AFG1L: variants seen among roughly 807,000 people sequenced by gnomAD.
AFG1L encodes the protein AFG1 like ATPase.
Under a neutral mutation model 62.2 loss-of-function variants are expected in AFG1L, and 53 were observed. That is an observed-to-expected ratio of 0.85 (90% CI 0.68 to 1.07). AFG1L has a LOEUF of 1.07. Among genes scored for constraint, AFG1L ranks in the 50% least tolerant of loss-of-function variants. The pLI is 0.00. For missense variants in AFG1L, 555 were observed against 590.5 expected (o/e 0.94, Z 0.62); for synonymous variants, 228 against 210.3 (o/e 1.08, Z -0.73).
intron 7 of AFG1L, among the ~76,000 whole-genome samples, chr6:108,424,459 A>G (rs529732824): frequency 7.2e-5 from 11 of 152,102 alleles, no homozygotes; most frequent in Non-Finnish European, 1.2e-4. Context: ...GAAGAAAGCA[A>G]TAGTTAGATT....
At chr6:108,401,394 G>T (rs1781607075) in intron 6 of AFG1L, among the ~76,000 whole-genome samples, 1 of 151,184 alleles carries the variant, frequency 6.6e-6, no homozygotes, top group Non-Finnish European at 1.5e-5. Flanking sequence ...CACCCGCCTC[G>T]GCCTCCCAAA....
chr6:108,388,774 G>T (rs901731245), intron 6 of AFG1L, among the ~76,000 whole-genome samples: 2 of 151,626 alleles, frequency 1.3e-5, no homozygotes, highest in Non-Finnish European at 1.5e-5. Flanking sequence ...TTTTACATTT[G>T]CTGAGGAGAG....
chr6:108,298,281 T>G, intron 1 of AFG1L, among the ~76,000 whole-genome samples: 1 of 149,608 alleles, frequency 6.7e-6, no homozygotes, highest in Non-Finnish European at 1.5e-5. Flanking sequence ...TTTTTTTTTT[T>G]TTGAGACAGA....
chr6:108,312,392 T>A (rs1272075854), intron 1 of AFG1L, among the ~76,000 whole-genome samples: 5 of 151,472 alleles, frequency 3.3e-5, no homozygotes, highest in African/African-American at 1.2e-4. Flanking sequence ...GTAAAAAAAA[T>A]AAAAAATTAC....
Position 108,310,597 on chromosome 6 carries a change from CAG to C in AFG1L, c.140-13225_140-13224del, listed in dbSNP as rs1346855950. ...CTTCTTTTTTTTTTTTTTTTTGAGA[CAG>C]AGTCTTGCTCTGTCACCTAGGCTGG... On this transcript the variant is annotated intron_variant, in intron 1 of 12. Transcript: ENST00000368977. 2.7e-3 allele frequency among the ~76,000 whole-genome samples: 348 copies of C among 130,508 alleles called. 2 individuals are homozygous for C. In the South Asian group the frequency reaches 0.028, roughly 10 times the overall value. The allele number at this position is 130,508 out of a possible 152,430, so 85.6% of individuals were successfully genotyped here.
intron 6 of AFG1L, among the ~76,000 whole-genome samples, chr6:108,374,773 T>C (rs923079188): frequency 5.3e-5 from 8 of 152,176 alleles, no homozygotes; most frequent in Non-Finnish European, 8.8e-5. Flanking sequence ...GTGATGCCTT[T>C]GGCTTTGTTC....
At chr6:108,449,127 G>A (rs936532979) in intron 8 of AFG1L, among the ~76,000 whole-genome samples, 2 of 149,854 alleles carry the variant, frequency 1.3e-5, no homozygotes, top group Non-Finnish European at 3.0e-5. Context: ...CAGCCTGGGC[G>A]ACAGAGCAAG....
intron 6 of AFG1L, among the ~76,000 whole-genome samples, chr6:108,400,599 ATATT>A (rs1470929292): frequency 7.4e-6 from 1 of 135,058 alleles, no homozygotes; most frequent in Admixed American, 8.4e-5. Flanking sequence ...TATAATTTAT[ATATT>A]TATATATAAT....
intron 10 of AFG1L, among the ~76,000 whole-genome samples, chr6:108,499,313 C>A (rs1273718354): frequency 6.6e-6 from 1 of 151,920 alleles, no homozygotes; most frequent in Non-Finnish European, 1.5e-5. Flanking sequence ...AAGCAATCCA[C>A]CAACCTCAGC....
chr6:108,365,983 A>G (rs574721350), intron 5 of AFG1L, among the ~76,000 whole-genome samples: 6 of 152,302 alleles, frequency 3.9e-5, no homozygotes, highest in Non-Finnish European at 7.4e-5. Flanking sequence ...CTGTAGTTCT[A>G]TAAAAGAAGT....
At chr6:108,501,958 T>C (rs1774222146) in intron 10 of AFG1L, among the ~76,000 whole-genome samples, 1 of 152,234 alleles carries the variant, frequency 6.6e-6, no homozygotes, top group South Asian at 2.1e-4. Context: ...TACTAAAAAA[T>C]GCTAACAACT....
chr6:108,371,046 T>C (rs1779980491), intron 6 of AFG1L, among the ~76,000 whole-genome samples: 1 of 152,176 alleles, frequency 6.6e-6, no homozygotes, highest in African/African-American at 2.4e-5. Context: ...ACTGCTTTCC[T>C]GCACTTCACT....
chr6:108,309,583 C>G (rs1562465702), intron 1 of AFG1L, among the ~76,000 whole-genome samples: 1 of 152,022 alleles, frequency 6.6e-6, no homozygotes, highest in Non-Finnish European at 1.5e-5. Flanking sequence ...AAAAAGGATA[C>G]TTGATTCTGC....
At position 108,296,658 on chromosome 6, in the gene AFG1L, GGAGATCATTCCAT is replaced by G. The variant is rs1776777956; in HGVS notation, c.139+1441_139+1453del. On this transcript the variant is annotated intron_variant, in intron 1 of 12. Coordinates refer to ENST00000368977, the MANE Select transcript of AFG1L (RefSeq NM_145315.5). The stretch of plus-strand genomic sequence containing the variant: ...AATTTCTTTTTAAATTTAGTAGCTT[GGAGATCATTCCAT>G]ATCAATACCATATCAATTTCATATG... 2.0e-5 allele frequency among the ~76,000 whole-genome samples: 3 copies of G among 152,040 alleles called. No homozygotes were observed. The South Asian group carries it at 6.2e-4, about 32-fold the overall frequency.
At chr6:108,465,549 A>G (rs927842188) in intron 8 of AFG1L, among the ~76,000 whole-genome samples, 17 of 152,278 alleles carry the variant, frequency 1.1e-4, no homozygotes, top group South Asian at 2.1e-4. Flanking sequence ...GAGCCTCACA[A>G]GCATGGATAT....
chr6:108,355,950 A>G (rs1779271601), intron 4 of AFG1L, among the ~76,000 whole-genome samples, 195 bp downstream of exon 4: 1 of 152,198 alleles, frequency 6.6e-6, no homozygotes, highest in Non-Finnish European at 1.5e-5. Flanking sequence ...CCAATTTAAT[A>G]CTTTCAAATC....
Position 108,425,438 on chromosome 6 carries a change from G to T in AFG1L, c.808-21776G>T, listed in dbSNP as rs571189155. ...TGTATGTGTGTGTGTGTGTGTATGT[G>T]TATACTCACAGAATTTGAAGGCTCT... is the stretch of plus-strand genomic sequence containing the variant. On this transcript the variant is annotated intron_variant, in intron 7 of 12. Coordinates refer to ENST00000368977, the MANE Select transcript of AFG1L (RefSeq NM_145315.5). Among the ~76,000 whole-genome samples the T allele has an allele frequency of 3.3e-5, 5 of 152,106 alleles. No individual in the cohort carries two copies. In the South Asian group the frequency reaches 1.0e-3, roughly 32 times the overall value.
intron 6 of AFG1L, among the ~76,000 whole-genome samples, chr6:108,375,820 T>G (rs548152868): frequency 2.6e-5 from 4 of 152,294 alleles, no homozygotes; most frequent in Admixed American, 2.6e-4. Flanking sequence ...AGGGTGATAC[T>G]GGCTTTGTAG....
At chr6:108,397,815 C>T (rs987279620) in intron 6 of AFG1L, among the ~76,000 whole-genome samples, 1 of 152,314 alleles carries the variant, frequency 6.6e-6, no homozygotes, top group African/African-American at 2.4e-5. Flanking sequence ...TAGTACTCCA[C>T]TTTGTATAAA....
Sources: allele counts gnomAD v4.1 joint callset (sites outside exome capture counted in the v4.1 genomes callset), GRCh38; gene constraint gnomAD v4.1.1; transcripts MANE v1.5; gene names NCBI Gene and HGNC (gene_info 2026-07-23, HGNC 2026-07-21).